The following DCHS1 variants were observed in gnomAD, a reference collection of about 807,000 sequenced individuals.
DCHS1 encodes dachsous cadherin-related 1, also known as protocadherin-16.
In DCHS1, 78 loss-of-function variants were observed where a neutral mutation model predicts 213.9. That is an observed-to-expected ratio of 0.36 (90% CI 0.30 to 0.44). DCHS1 has a LOEUF of 0.44. Ranked by LOEUF, DCHS1 falls within the 20% of genes least tolerant of loss-of-function variation. DCHS1 has a pLI of 1.00. For synonymous variants in DCHS1, 1,828 were observed against 1,873.7 expected (o/e 0.98, Z 0.63); for missense variants, 3,946 against 4,395.9 (o/e 0.90, Z 2.89).
intron 20 of DCHS1, 109 bp from the exon 21 acceptor site, chr11:6,624,499 A>G (rs1224523320): frequency 7.4e-7 from 1 of 1,350,348 alleles, no homozygotes; most frequent in Non-Finnish European, 9.9e-7. Context: ...GACTCAGGGA[A>G]TGGCCTATCT....
rs1855777025 is a variant in DCHS1 at position 6,625,341 on chromosome 11, C to A, written c.7003G>T (p.Gly2335Trp). The change falls in exon 19 of 21, where the codon GGG (glycine) becomes TGG (tryptophan). Residue 2335 changes from glycine to tryptophan, a missense_variant. Coordinates refer to ENST00000299441, the MANE Select transcript of DCHS1 (RefSeq NM_003737.4). This position sits in a 1 kb window ranked among gnomAD's most constrained non-coding sequence, Gnocchi z 5.3. ...TCACACTGCTCAAAGTCCAGGGGCC[C>A]CGTGAGGGAGACACGGCCTCCATAG... ...GRYGGRVSLT[G>W]PLDFEQCDRY... 3.1e-6 allele frequency: 5 copies of A among 1,613,686 alleles called. No individual in the cohort carries two copies. The highest frequency in any genetic ancestry group is 4.2e-6 in the Non-Finnish European group (5 of 1,179,880).
intron 1 of DCHS1, among the ~76,000 whole-genome samples, 181 bp downstream of exon 1, chr11:6,655,382 C>T (rs1384228340): frequency 6.6e-6 from 1 of 151,942 alleles, no homozygotes; most frequent in East Asian, 1.9e-4. Context: ...CAAAGACCCC[C>T]AGGCCCTGCC....
In DCHS1 at chr11:6,639,973, A is replaced by C; in HGVS notation, c.1641T>G (p.Ile547Met). 6.2e-7 allele frequency: 1 copy of C among 1,614,024 alleles called. No homozygotes were observed. The highest frequency in any genetic ancestry group is 8.5e-7 in the Non-Finnish European group (1 of 1,179,878). The stretch of plus-strand genomic sequence containing the variant: ...GCAGGCCACCATCTGTGGCCACCAC[A>C]ATCAGCTGTGGCTGAGGTTCCAACT... ...DYELEPQPQLIVVATDGGLPP... is the reference protein window; with the variant it reads ...DYELEPQPQLMVVATDGGLPP... The change falls in exon 2 of 21, where the codon ATT becomes ATG. Residue 547 changes from isoleucine (I) to methionine (M), a missense_variant. Physicochemically the swap from Ile to Met is conservative, Grantham distance 10. Coordinates refer to ENST00000299441, the MANE Select transcript of DCHS1 (RefSeq NM_003737.4).
chr11:6,629,132 G>A (rs1855859307), intron 12 of DCHS1, among the ~76,000 whole-genome samples: 1 of 152,200 alleles, frequency 6.6e-6, no homozygotes, highest in Admixed American at 6.5e-5. Flanking sequence ...ATGAGCTTGA[G>A]CAAGTCACTT....
rs1855942650 is a variant in DCHS1, at chr11:6,633,408, A to AT, written c.2455+3dup. The AT allele has an allele frequency of 6.4e-7, 1 of 1,552,758 alleles. No homozygotes were observed. Among genetic ancestry groups the AT allele is most frequent in the Non-Finnish European group, 8.7e-7 (1 of 1,147,422 alleles). ...CACCAAGTGGGTATAAAGCTAAATG[A>AT]TACCTGGTGGGTTGTGTGCCTGGAC... On this transcript the variant is annotated splice_donor_region_variant and intron_variant, in intron 5 of 20. Coordinates refer to ENST00000299441, the MANE Select transcript of DCHS1 (RefSeq NM_003737.4).
chr11:6,622,642 C>T lies in DCHS1; in HGVS notation c.9034G>A (p.Gly3012Arg). The stretch of plus-strand genomic sequence containing the variant: ...GGGTAGGGTCCTCCAGCTCCTGGCC[C>T]ACCATAGCTGGGAAGAGTCTGGTGA... ...LYHQTLPSYGGPGAGGPYPRG... is the reference protein window; with the variant it reads ...LYHQTLPSYGRPGAGGPYPRG... The change falls in exon 21 of 21, where the codon GGG becomes AGG. Residue 3012 changes from glycine to arginine, a missense_variant. Coordinates refer to ENST00000299441, the MANE Select transcript of DCHS1 (RefSeq NM_003737.4). This position sits in a 1 kb window ranked among gnomAD's most constrained non-coding sequence, Gnocchi z 5.4. 1 of 1,589,512 alleles carries T rather than the reference C, an allele frequency of 6.3e-7. No individual in the cohort carries two copies. The highest frequency in any genetic ancestry group is 8.6e-7 in the Non-Finnish European group (1 of 1,168,230).
chr11:6,625,301 T>G lies in DCHS1; in HGVS notation c.7043A>C (p.Gln2348Pro), dbSNP rs765731131. 6.2e-7 allele frequency: 1 copy of G among 1,613,846 alleles called. No homozygotes were observed. Among genetic ancestry groups the G allele is most frequent in the Non-Finnish European group, 8.5e-7 (1 of 1,179,872 alleles). ...DFEQCDRYQLQLLAHDGPHEG... is the reference protein window; with the variant it reads ...DFEQCDRYQLPLLAHDGPHEG... The stretch of plus-strand genomic sequence containing the variant: ...ATGAGGCCCATCATGTGCCAGCAGC[T>G]GCAGCTGGTAGCGGTCACACTGCTC... The change falls in exon 19 of 21, where the codon CAG becomes CCG. Residue 2348 changes from glutamine (Q) to proline (P), a missense_variant. This residue lies in a region of DCHS1 where 3,384 missense variants were observed against 3,780.1 expected (regional missense o/e 0.90). Coordinates refer to ENST00000299441, the MANE Select transcript of DCHS1 (RefSeq NM_003737.4). This position sits in a 1 kb window ranked among gnomAD's most constrained non-coding sequence, Gnocchi z 5.3.
intron 10 of DCHS1, 21 bp from the exon 11 acceptor site, chr11:6,629,932 G>T: frequency 1.2e-5 from 20 of 1,607,854 alleles, no homozygotes; most frequent in Non-Finnish European, 1.7e-5. Flanking sequence ...GGTAAGGCAG[G>T]TTGGTGGGGA....
intron 2 of DCHS1, among the ~76,000 whole-genome samples, chr11:6,638,867 T>G (rs867456838): frequency 6.6e-6 from 1 of 152,136 alleles, no homozygotes; most frequent in Non-Finnish European, 1.5e-5. Flanking sequence ...ATCATTCACT[T>G]CCCAGCTCAA....
rs1337620943 is a variant in DCHS1 at position 6,623,856 on chromosome 11, T to C, written c.7820A>G (p.Tyr2607Cys). ...DNPPVFTRAS[Y>C]RVTVPEDTPV... Reference sequence around the variant, plus strand: ...TGTGTCCTCAGGTACTGTCACACGGTAGGATGCTCGGGTAAAGACAGGTGG... The same window carrying C: ...TGTGTCCTCAGGTACTGTCACACGGCAGGATGCTCGGGTAAAGACAGGTGG... The change falls in exon 21 of 21, where the codon TAC becomes TGC. Residue 2607 changes from tyrosine (Y) to cysteine (C), a missense_variant. This residue lies in a region of DCHS1 where 3,384 missense variants were observed against 3,780.1 expected (regional missense o/e 0.90). Coordinates refer to ENST00000299441, the MANE Select transcript of DCHS1 (RefSeq NM_003737.4). The C allele has an allele frequency of 1.9e-6, 3 of 1,611,754 alleles. No homozygotes were observed. The East Asian group carries it at 6.7e-5, about 36-fold the overall frequency.
Position 6,640,626 on chromosome 11 carries a change from G to T in DCHS1, c.988C>A (p.Leu330Met). 2 of 1,610,052 alleles carry T rather than the reference G, an allele frequency of 1.2e-6. No individual in the cohort carries two copies. Among genetic ancestry groups the T allele is most frequent in the Non-Finnish European group, 1.7e-6 (2 of 1,179,850 alleles). The change falls in exon 2 of 21, where the codon CTG (leucine) becomes ATG (methionine). Residue 330 changes from leucine (L) to methionine (M), a missense_variant. This residue lies in a region of DCHS1 where 3,384 missense variants were observed against 3,780.1 expected (regional missense o/e 0.90). Coordinates refer to ENST00000299441, the MANE Select transcript of DCHS1 (RefSeq NM_003737.4). This position sits in a 1 kb window ranked among gnomAD's most constrained non-coding sequence, Gnocchi z 6.5. ...CCACCATCTCGTGCTTGCACCACCA[G>T]TTCATGGACCCGCCGCTGCTCAAAG... ...LDFEQRRVHE[L>M]VVQARDGGAH...
chr11:6,634,196 A>T lies in DCHS1; in HGVS notation c.1908T>A (p.Gly636=), dbSNP rs1236499175. 2 of 1,613,858 alleles carry T rather than the reference A, an allele frequency of 1.2e-6. No homozygotes were observed. The highest frequency in any genetic ancestry group is 1.3e-5 in the African/African-American group (1 of 75,002). The change falls in exon 3 of 21, where the codon GGT becomes GGA. Residue 636 remains glycine, a synonymous_variant. Coordinates refer to ENST00000299441, the MANE Select transcript of DCHS1 (RefSeq NM_003737.4). ...CCAGGGTCCGGGTTGTGCACACATC[A>T]CCGCTGTGGGCATCAATGCGGAATG... ...SPPFRIDAHS[G]DVCTTRTLDR...
chr11:6,626,062 C>T lies in DCHS1; in HGVS notation c.6589G>A (p.Asp2197Asn). 6.2e-7 allele frequency: 1 copy of T among 1,610,300 alleles called. No individual in the cohort carries two copies. Among genetic ancestry groups the T allele is most frequent in the Non-Finnish European group, 8.5e-7 (1 of 1,178,288 alleles). The change falls in exon 17 of 21, where the codon GAC becomes AAC. Residue 2197 changes from aspartate to asparagine, a missense_variant. Physicochemically the swap from Asp to Asn is conservative, Grantham distance 23 (BLOSUM62 1). This residue lies in a region of DCHS1 where 3,384 missense variants were observed against 3,780.1 expected (regional missense o/e 0.90). Coordinates refer to ENST00000299441, the MANE Select transcript of DCHS1 (RefSeq NM_003737.4). This position sits in a 1 kb window ranked among gnomAD's most constrained non-coding sequence, Gnocchi z 5.2. ...EGPLLQVEAD[D>N]LDQGSGGQIS... ...TGTCCTCCAGAGCCTTGATCCAGGT[C>T]ATCCGCCTCCACCTGGTGAGGGTAG...
At position 6,625,735 on chromosome 11, in the gene DCHS1, C is replaced by T; in HGVS notation, c.6732-8G>A. 1.9e-6 allele frequency: 3 copies of T among 1,600,998 alleles called. No homozygotes were observed. Among genetic ancestry groups the T allele is most frequent in the Non-Finnish European group, 2.6e-6 (3 of 1,173,500 alleles). On this transcript the variant is annotated splice_region_variant and splice_polypyrimidine_tract_variant and intron_variant, in intron 17 of 20. Transcript: ENST00000299441. This position sits in a 1 kb window ranked among gnomAD's most constrained non-coding sequence, Gnocchi z 5.3. The stretch of plus-strand genomic sequence containing the variant: ...GTGGCCATCAGCACCAACCTGGACA[C>T]AAAGCACAATCATCGGGTGGGACAT...
intron 1 of DCHS1, among the ~76,000 whole-genome samples, chr11:6,645,173 C>T (rs1229116012): frequency 6.6e-6 from 1 of 152,248 alleles, no homozygotes; most frequent in Non-Finnish European, 1.5e-5. Flanking sequence ...CCCTGATAGG[C>T]CCCCTCTCTG....
rs770502784 is a variant in DCHS1, at chr11:6,621,505, T to G, written c.*274A>C. 2 of 581,620 alleles carry G rather than the reference T, an allele frequency of 3.4e-6. No homozygotes were observed. Among genetic ancestry groups the G allele is most frequent in the Non-Finnish European group, 6.4e-6 (2 of 313,182 alleles). 36.0% of individuals were successfully genotyped at this position (581,620 alleles called of 1,614,324 possible). A position where few individuals can be genotyped will look rare whatever the true frequency, so the allele number is the denominator to read the frequency against. ...TCTCAGCTCCATCTCAGGGTGCTGG[T>G]GCAGGGCAGGGATCCCTCACTGAGG... On this transcript the variant is annotated 3_prime_UTR_variant, in exon 21 of 21. Transcript: ENST00000299441.
At chr11:6,649,432 G>T (rs924695033) in intron 1 of DCHS1, among the ~76,000 whole-genome samples, 1 of 151,880 alleles carries the variant, frequency 6.6e-6, no homozygotes, top group Non-Finnish European at 1.5e-5. Flanking sequence ...GTCAGTCCAG[G>T]TGAGCATGGG....
Position 6,630,118 on chromosome 11 carries a change from G to A in DCHS1, c.4676C>T (p.Pro1559Leu). 6.2e-7 allele frequency: 1 copy of A among 1,604,646 alleles called. No homozygotes were observed. The highest frequency in any genetic ancestry group is 8.5e-7 in the Non-Finnish European group (1 of 1,174,680). The stretch of plus-strand genomic sequence containing the variant: ...CACGTGCAGGGCCGCGGGCCCAGGC[G>A]GCTGGTCCTCTGGGAGGCGCACGCG... ...PSRVRLPEDQ[P>L]PGPAALHVVA... Residue 1559 changes from proline (P) to leucine (L), a missense_variant, in exon 10 of 21, where the codon CCG becomes CTG. By Grantham distance (98) the Pro-to-Leu change is moderately conservative. Coordinates refer to ENST00000299441, the MANE Select transcript of DCHS1 (RefSeq NM_003737.4).
rs1442501372 is a variant in DCHS1, at chr11:6,630,561, C to A, written c.4233G>T (p.Gly1411=). ...GCAGCCGCGCGCCCGCGCCTCCCGG[C>A]CCCTCAGCGCGTACCGTAAGCGCGC... ...PWRALTVRAE[G]PGGAGARLLR... The change falls in exon 10 of 21, where the codon GGG becomes GGT. Residue 1411 remains glycine (G), a synonymous_variant. Transcript: ENST00000299441. The A allele has an allele frequency of 5.2e-6, 8 of 1,536,158 alleles. No homozygotes were observed. The highest frequency in any genetic ancestry group is 1.8e-4 in the Middle Eastern group (1 of 5,630).
Sources: gnomAD v4.1 joint callset for allele counts (sites outside exome capture counted in the v4.1 genomes callset) on GRCh38, gnomAD v4.1.1 for gene constraint, gnomAD v4.1.1 regional missense constraint, Gnocchi (gnomAD v3.1) non-coding constraint, MANE v1.5 for transcripts, NCBI Gene and HGNC (gene_info 2026-07-23, HGNC 2026-07-21) for gene names.